CYP2C19: variants seen among roughly 807,000 people sequenced by gnomAD.
The protein encoded by CYP2C19 is cytochrome P450 2C19.
In CYP2C19, 59 loss-of-function variants were observed where a neutral mutation model predicts 40.9. That is an observed-to-expected ratio of 1.44 (90% CI 1.17 to 1.79). CYP2C19 has a LOEUF of 1.79. Among genes scored for constraint, CYP2C19 ranks in the 40% most tolerant of loss-of-function variants. The pLI is 0.00. For synonymous variants in CYP2C19, 253 were observed against 208.7 expected, an observed-to-expected ratio of 1.21 and a Z score of -1.83; for missense variants, 754 against 596.9, an observed-to-expected ratio of 1.26 and a Z score of -2.74.
intron 5 of CYP2C19, among the ~76,000 whole-genome samples, chr10:94,812,649 C>T (rs1026929012): frequency 6.6e-6 from 1 of 152,020 alleles, no homozygotes; most frequent in African/African-American, 2.4e-5. Context: ...GATATCCTTT[C>T]TTCTGCTTTA....
At chr10:94,823,127 C>T (rs1849155533) in intron 6 of CYP2C19, among the ~76,000 whole-genome samples, 1 of 152,028 alleles carries the variant, frequency 6.6e-6, no homozygotes, top group Non-Finnish European at 1.5e-5. Context: ...GAAAATTTAT[C>T]AAGGAGAAAA....
At chr10:94,810,532 G>C (rs1407950391) in intron 5 of CYP2C19, among the ~76,000 whole-genome samples, 1 of 151,672 alleles carries the variant, frequency 6.6e-6, no homozygotes, top group Non-Finnish European at 1.5e-5. Context: ...TTTTTTGCTT[G>C]GTGGGCTATT....
rs141936406 is a variant in CYP2C19, at chr10:94,821,655, C to T, written c.961+1018C>T. Among the ~76,000 whole-genome samples the T allele has an allele frequency of 3.1e-3, 477 of 152,202 alleles. 3 individuals carry two copies. Among genetic ancestry groups the T allele is most frequent in the African/African-American group, 0.011 (451 of 41,528 alleles). On this transcript the variant is annotated intron_variant, in intron 6 of 8. Transcript: ENST00000371321. ...TTACTTTAGAAATTTTAAAGACTTTCGGTTATGCTGCAGATAATAAATATT... is the reference window on the plus strand; with the variant it reads ...TTACTTTAGAAATTTTAAAGACTTTTGGTTATGCTGCAGATAATAAATATT...
chr10:94,772,943 G>T (rs528852880), intron 1 of CYP2C19, among the ~76,000 whole-genome samples: 1 of 152,114 alleles, frequency 6.6e-6, no homozygotes, highest in Non-Finnish European at 1.5e-5. Flanking sequence ...CACCGCGCCC[G>T]GCTAATTTTT....
chr10:94,811,606 C>T (rs374220984), intron 5 of CYP2C19, among the ~76,000 whole-genome samples: 15 of 152,056 alleles, frequency 9.9e-5, no homozygotes, highest in East Asian at 5.8e-4. Context: ...TAGCTCTTCT[C>T]GTTGCATTGA....
intron 5 of CYP2C19, among the ~76,000 whole-genome samples, chr10:94,793,164 C>T (rs754100572): frequency 1.3e-5 from 2 of 152,108 alleles, no homozygotes; most frequent in Non-Finnish European, 2.9e-5. Flanking sequence ...GAAGCTTGTG[C>T]ATGCATCACA....
Position 94,775,559 on chromosome 10 carries a change from AT to A in CYP2C19, c.481+21del. ...CCAAGGGTGGGTGAACATACTCTCTATCACTGACCTTTCTGGACTGCTCTCC... is the reference window on the plus strand; with the variant it reads ...CCAAGGGTGGGTGAACATACTCTCTACACTGACCTTTCTGGACTGCTCTCC... On this transcript the variant is annotated intron_variant, in intron 3 of 8. Transcript: ENST00000371321. The A allele has an allele frequency of 6.2e-7, 1 of 1,613,878 alleles. No homozygotes were observed. The highest frequency in any genetic ancestry group is 8.5e-7 in the Non-Finnish European group (1 of 1,179,856).
intron 6 of CYP2C19, among the ~76,000 whole-genome samples, chr10:94,826,363 A>T (rs899605072): frequency 1.6e-4 from 24 of 152,114 alleles, no homozygotes; most frequent in Non-Finnish European, 1.0e-4. Flanking sequence ...CTCCTTGAAG[A>T]GGTCCTTCAC....
chr10:94,839,355 T>C (rs980958936), intron 6 of CYP2C19, among the ~76,000 whole-genome samples: 46 of 152,154 alleles, frequency 3.0e-4, no homozygotes, highest in African/African-American at 1.1e-3. Flanking sequence ...TCGGATTACT[T>C]ATGCTTACCG....
Position 94,826,204 on chromosome 10 carries a change from G to T in CYP2C19, c.961+5567G>T, listed in dbSNP as rs1393731522. On this transcript the variant is annotated intron_variant, in intron 6 of 8. Transcript: ENST00000371321. The stretch of plus-strand genomic sequence containing the variant: ...TTCCAATTCTGTGAAGAAAGTCATT[G>T]GTAGCTTGATGGGGATGGCATTGAA... Among the ~76,000 whole-genome samples the T allele has an allele frequency of 1.3e-4, 20 of 152,112 alleles. No individual in the cohort carries two copies. The South Asian group carries it at 3.3e-3, about 25-fold the overall frequency.
At chr10:94,835,382 T>G (rs1002327250) in intron 6 of CYP2C19, among the ~76,000 whole-genome samples, 1 of 152,196 alleles carries the variant, frequency 6.6e-6, no homozygotes, top group African/African-American at 2.4e-5. Flanking sequence ...ATTTTCCTTT[T>G]TTGGTGGCTA....
At chr10:94,814,119 G>C (rs891304862) in intron 5 of CYP2C19, among the ~76,000 whole-genome samples, 5 of 151,144 alleles carry the variant, frequency 3.3e-5, no homozygotes, top group African/African-American at 7.3e-5. Context: ...TGCACCTACT[G>C]TCTAAACATT....
intron 7 of CYP2C19, among the ~76,000 whole-genome samples, chr10:94,848,001 C>T (rs1478574317): frequency 2.0e-5 from 3 of 152,124 alleles, no homozygotes; most frequent in South Asian, 2.1e-4. Flanking sequence ...GAGTAGATTG[C>T]AAAAATTTTC....
chr10:94,797,421 G>A (rs1009938599), intron 5 of CYP2C19, among the ~76,000 whole-genome samples: 14 of 152,084 alleles, frequency 9.2e-5, no homozygotes, highest in African/African-American at 3.4e-4. Flanking sequence ...TTTTTGCATC[G>A]ATGTTCTTCA....
intron 5 of CYP2C19, among the ~76,000 whole-genome samples, chr10:94,813,639 C>A (rs113153908): frequency 7.9e-5 from 12 of 151,826 alleles, no homozygotes; most frequent in Admixed American, 2.6e-4. Context: ...AACACCCCCC[C>A]CAAGCTCGAA....
intron 6 of CYP2C19, among the ~76,000 whole-genome samples, chr10:94,828,805 T>G (rs1849275656): frequency 6.6e-6 from 1 of 152,146 alleles, no homozygotes; most frequent in African/African-American, 2.4e-5. Context: ...CTGGTACCGG[T>G]TGTTCCTTTC....
chr10:94,783,841 C>T (rs1848507584), intron 5 of CYP2C19, among the ~76,000 whole-genome samples: 1 of 152,032 alleles, frequency 6.6e-6, no homozygotes, highest in East Asian at 1.9e-4. Context: ...TCAAAGGAGC[C>T]AATGGGAATT....
intron 5 of CYP2C19, among the ~76,000 whole-genome samples, chr10:94,790,235 G>T (rs1457206893): frequency 6.6e-6 from 1 of 151,950 alleles, no homozygotes; most frequent in Non-Finnish European, 1.5e-5. Flanking sequence ...ACAATTTAAG[G>T]GGTTTTGGGC....
Position 94,775,112 on chromosome 10 carries a change from G to T in CYP2C19, c.223G>T (p.Val75Leu). 1 of 1,614,162 alleles carries T rather than the reference G, an allele frequency of 6.2e-7. No individual in the cohort carries two copies. The highest frequency in any genetic ancestry group is 1.7e-5 in the Admixed American group (1 of 60,020). The change falls in exon 2 of 9, where the codon GTG becomes TTG. Residue 75 changes from valine (V) to leucine (L), a missense_variant. Transcript: ENST00000371321. ...TCTGTATTTTGGCCTGGAACGCATG[G>T]TGGTGCTGCATGGATATGAAGTGGT... Reference protein sequence around the residue: ...FTLYFGLERMVVLHGYEVVKE... With the variant: ...FTLYFGLERMLVLHGYEVVKE...
Sources: gnomAD v4.1 joint callset for allele counts (sites outside exome capture counted in the v4.1 genomes callset) on GRCh38, gnomAD v4.1.1 for gene constraint, MANE v1.5 for transcripts, NCBI Gene and HGNC (gene_info 2026-07-23, HGNC 2026-07-21) for gene names.